Variants in ZKSCAN1 observed in about 807,000 individuals in gnomAD.
ZKSCAN1 encodes zinc finger with KRAB and SCAN domains 1, also known as zinc finger protein with KRAB and SCAN domains 1.
In ZKSCAN1, 14 loss-of-function variants were observed where a neutral mutation model predicts 51.6. That is an observed-to-expected ratio of 0.27 (90% CI 0.18 to 0.42). ZKSCAN1 has a LOEUF of 0.42. Among genes scored for constraint, ZKSCAN1 ranks in the 10% least tolerant of loss-of-function variants. The probability of loss-of-function intolerance (pLI) is 1.00; values close to 1 mark genes in which losing one functional copy is unlikely to be tolerated. For missense variants in ZKSCAN1, 531 were observed against 710.0 expected, an observed-to-expected ratio of 0.75 and a Z score of 2.86; for synonymous variants, 263 against 261.5, an observed-to-expected ratio of 1.01 and a Z score of -0.06.
At chr7:100,018,339 A>C (rs13228844) in intron 1 of ZKSCAN1, among the ~76,000 whole-genome samples, 146,694 of 152,198 alleles carry the variant, frequency 0.96, 70,708 homozygotes, top group African/African-American at 0.98. Flanking sequence ...TACAAAGAGG[A>C]CTGCTCTTAA....
At chr7:100,030,885 G>A (rs1007929997) in intron 5 of ZKSCAN1, among the ~76,000 whole-genome samples, 9 of 152,102 alleles carry the variant, frequency 5.9e-5, no homozygotes, top group Admixed American at 1.3e-4. Flanking sequence ...GTAATTCCAC[G>A]AACTTGCACC....
At chr7:100,044,232 C>G (rs1791669938), downstream of ZKSCAN1, among the ~76,000 whole-genome samples, 3 of 152,208 alleles carry the variant, frequency 2.0e-5, no homozygotes, top group South Asian at 4.1e-4. Context: ...CCCCATCCTG[C>G]TCCTTGGCTA....
In ZKSCAN1 at chr7:100,037,792, C is replaced by A. The variant is rs866749603; in HGVS notation, c.*3595C>A. The A allele has an allele frequency of 1.7e-4, 157 of 906,504 alleles. No homozygotes were observed. The Middle Eastern group carries it at 2.9e-3, about 17-fold the overall frequency. The allele number at this position is 906,504 out of a possible 1,614,324, so 56.2% of individuals were successfully genotyped here. A position where few individuals can be genotyped will look rare whatever the true frequency, so the allele number is the denominator to read the frequency against. ...CAGCACTTTGGGAGGCCGAGGCAGG[C>A]GGATCACGAGGTCAGTAGTTCGAGA... On this transcript the variant is annotated 3_prime_UTR_variant, in exon 6 of 6. Coordinates refer to ENST00000324306, the MANE Select transcript of ZKSCAN1 (RefSeq NM_003439.4).
At chr7:100,043,589 G>A (rs1273828530), downstream of ZKSCAN1, among the ~76,000 whole-genome samples, 1 of 151,330 alleles carries the variant, frequency 6.6e-6, no homozygotes, top group African/African-American at 2.4e-5. Context: ...GCCCAGGCTG[G>A]TCTCAAATTC....
Position 100,041,411 on chromosome 7 carries a change from A to G in ZKSCAN1, c.*7214A>G. On this transcript the variant is annotated 3_prime_UTR_variant, in exon 6 of 6. Transcript: ENST00000324306. ...CAATAAATAATGGAATCTTAGAGGAAAAGTGGTTTTTTAAAAGCTAGGGAA... is the reference window on the plus strand; with the variant it reads ...CAATAAATAATGGAATCTTAGAGGAGAAGTGGTTTTTTAAAAGCTAGGGAA... The G allele has an allele frequency of 1.0e-6, 1 of 985,420 alleles. No individual in the cohort carries two copies. The highest frequency in any genetic ancestry group is 1.2e-6 in the Non-Finnish European group (1 of 829,918). The allele number at this position is 985,420 out of a possible 1,614,324, so 61.0% of individuals were successfully genotyped here.
rs912864050 is a variant in ZKSCAN1 at position 100,039,529 on chromosome 7, G to A, written c.*5332G>A. On this transcript the variant is annotated 3_prime_UTR_variant, in exon 6 of 6. Transcript: ENST00000324306. ...CTGGTTTGTGATTATTAGGAGAGAG[G>A]TTTTGCAAAGACTCGTTGCTGTGAA... is the stretch of plus-strand genomic sequence containing the variant. 1.4e-5 allele frequency: 14 copies of A among 985,172 alleles called. No homozygotes were observed. In the African/African-American group the frequency reaches 2.4e-4, roughly 17 times the overall value. The allele number at this position is 985,172 out of a possible 1,614,324, so 61.0% of individuals were successfully genotyped here. A position where few individuals can be genotyped will look rare whatever the true frequency, so the allele number is the denominator to read the frequency against.
rs1038874982 is a variant in ZKSCAN1, at chr7:100,036,369, G to A, written c.*2172G>A. ...GATTTTCTTCAAAGAATAAGCCACA[G>A]CAATGGTTTTGTAGAAAACTCCTGT... On this transcript the variant is annotated 3_prime_UTR_variant, in exon 6 of 6. Coordinates refer to ENST00000324306, the MANE Select transcript of ZKSCAN1 (RefSeq NM_003439.4). 1.5e-5 allele frequency: 15 copies of A among 985,330 alleles called. No individual in the cohort carries two copies. In the African/African-American group the frequency reaches 2.6e-4, roughly 17 times the overall value. 61.0% of individuals were successfully genotyped at this position (985,330 alleles called of 1,614,324 possible).
At position 100,023,822 on chromosome 7, in the gene ZKSCAN1, T is replaced by G. The variant is rs1790698031; in HGVS notation, c.316T>G (p.Ser106Ala). ...LELLVLEQFL[S>A]ILPKELQVWL... ...GCTTCTGGTGCTAGAGCAGTTTCTT[T>G]CCATCCTGCCCAAGGAGCTCCAGGT... is the stretch of plus-strand genomic sequence containing the variant. Residue 106 changes from serine to alanine, a missense_variant, in exon 2 of 6, where the codon TCC becomes GCC. Physicochemically the swap from Ser to Ala is moderately conservative, Grantham distance 99. Coordinates refer to ENST00000324306, the MANE Select transcript of ZKSCAN1 (RefSeq NM_003439.4). The G allele has an allele frequency of 1.2e-6, 2 of 1,614,046 alleles. No homozygotes were observed. The highest frequency in any genetic ancestry group is 2.2e-5 in the South Asian group (2 of 91,080).
At chr7:100,044,702 A>G, downstream of ZKSCAN1, 1 of 799,972 alleles carries the variant, frequency 1.3e-6, no homozygotes, top group Non-Finnish European at 1.5e-6. Flanking sequence ...AAAAAAAAAA[A>G]AAAGTAGCAC....
chr7:100,025,304 A>C (rs1790779242), intron 3 of ZKSCAN1, among the ~76,000 whole-genome samples: 1 of 147,750 alleles, frequency 6.8e-6, no homozygotes, highest in African/African-American at 2.5e-5. Flanking sequence ...CCTGGGTGAC[A>C]GAGAGTCTGT....
intron 1 of ZKSCAN1, among the ~76,000 whole-genome samples, chr7:100,022,820 G>A (rs993125880): frequency 6.6e-6 from 1 of 152,168 alleles, no homozygotes; most frequent in Non-Finnish European, 1.5e-5. Flanking sequence ...CTGGCACTCT[G>A]CTAACATTCA....
intron 1 of ZKSCAN1, among the ~76,000 whole-genome samples, chr7:100,020,893 G>A (rs1258448729): frequency 6.6e-6 from 1 of 152,130 alleles, no homozygotes; most frequent in Non-Finnish European, 1.5e-5. Flanking sequence ...TGTAGCTTCA[G>A]ATGGAAGAAT....
rs1335547290 is a variant in ZKSCAN1, at chr7:100,036,363, G to A, written c.*2166G>A. 1.4e-5 allele frequency: 14 copies of A among 985,298 alleles called. No homozygotes were observed. The highest frequency in any genetic ancestry group is 1.6e-5 in the Non-Finnish European group (13 of 829,938). The allele number at this position is 985,298 out of a possible 1,614,324, so 61.0% of individuals were successfully genotyped here. Reference sequence around the variant, plus strand: ...TTTAAGGATTTTCTTCAAAGAATAAGCCACAGCAATGGTTTTGTAGAAAAC... The same window carrying A: ...TTTAAGGATTTTCTTCAAAGAATAAACCACAGCAATGGTTTTGTAGAAAAC... On this transcript the variant is annotated 3_prime_UTR_variant, in exon 6 of 6. Coordinates refer to ENST00000324306, the MANE Select transcript of ZKSCAN1 (RefSeq NM_003439.4).
chr7:100,034,545 T>C lies in ZKSCAN1; in HGVS notation c.*348T>C, dbSNP rs1440826902. The C allele has an allele frequency of 6.9e-6, 7 of 1,018,550 alleles. No homozygotes were observed. In the East Asian group the frequency reaches 4.6e-4, roughly 67 times the overall value. The allele number at this position is 1,018,550 out of a possible 1,614,324, so 63.1% of individuals were successfully genotyped here. On this transcript the variant is annotated 3_prime_UTR_variant, in exon 6 of 6. Coordinates refer to ENST00000324306, the MANE Select transcript of ZKSCAN1 (RefSeq NM_003439.4). ...CAACCACAACATAATAGTTGAAAGA[T>C]CAAGATTGGCTCCACGAAAGTGATA... is the stretch of plus-strand genomic sequence containing the variant.
intron 3 of ZKSCAN1, among the ~76,000 whole-genome samples, chr7:100,028,791 T>TA (rs1790960131): frequency 9.4e-6 from 1 of 105,886 alleles, no homozygotes; most frequent in African/African-American, 3.2e-5. Flanking sequence ...GCATACATCT[T>TA]ATCAAAAAAA....
At chr7:100,031,273 A>ATTTTTTT (rs60390216) in intron 5 of ZKSCAN1, among the ~76,000 whole-genome samples, 10 of 89,512 alleles carry the variant, frequency 1.1e-4, no homozygotes, top group East Asian at 3.2e-4. Flanking sequence ...GTACTAGATG[A>ATTTTTTT]TTTTTTTTTT....
chr7:100,030,143 A>G (rs1791045401), intron 4 of ZKSCAN1, 106 bp from the exon 5 acceptor site: 2 of 1,525,418 alleles, frequency 1.3e-6, no homozygotes, highest in Admixed American at 3.8e-5. Context: ...TTTTCTTCCC[A>G]GCGTCCTGTA....
At chr7:100,042,946 C>T (rs1184825650), downstream of ZKSCAN1, among the ~76,000 whole-genome samples, 3 of 151,862 alleles carry the variant, frequency 2.0e-5, no homozygotes, top group Non-Finnish European at 2.9e-5. Context: ...TACAGGCGCC[C>T]GCCACTGTGC....
chr7:100,023,874 G>A lies in ZKSCAN1; in HGVS notation c.368G>A (p.Ser123Asn), dbSNP rs1313518051. 7 of 1,612,610 alleles carry A rather than the reference G, an allele frequency of 4.3e-6. No homozygotes were observed. The East Asian group carries it at 8.9e-5, about 21-fold the overall frequency. ...QVWLQEYRPD[S>N]GEEAVTLLED... ...TGGCTGCAGGAATACCGCCCCGATA[G>A]TGGAGAGGAGGCCGTGACCCTTCTA... Residue 123 changes from serine to asparagine, a missense_variant, in exon 2 of 6, where the codon AGT (serine) becomes AAT (asparagine). By Grantham distance (46) the Ser-to-Asn change is conservative. Transcript: ENST00000324306.
Sources: gnomAD v4.1 joint callset for allele counts (sites outside exome capture counted in the v4.1 genomes callset) on GRCh38, gnomAD v4.1.1 for gene constraint, MANE v1.5 for transcripts, NCBI Gene and HGNC (gene_info 2026-07-23, HGNC 2026-07-21) for gene names.